The following DGUOK variants were observed in gnomAD, a reference collection of about 807,000 sequenced individuals.
DGUOK encodes deoxyguanosine kinase, mitochondrial.
DGUOK carries 30 observed loss-of-function variants against 36.6 expected under a neutral mutation model. The observed-to-expected ratio is 0.82, with a 90% CI of 0.61 to 1.11. The LOEUF is 1.11. Ranked by LOEUF, DGUOK falls within the 50% of genes most tolerant of loss-of-function variation. The pLI, the probability that DGUOK is intolerant of heterozygous loss-of-function variation, is 0.00. For synonymous variants in DGUOK, 145 were observed against 126.3 expected (o/e 1.15, Z -0.99); for missense variants, 361 against 336.4 (o/e 1.07, Z -0.57).
At chr2:73,952,962 T>C (rs897264524) in intron 4 of DGUOK, among the ~76,000 whole-genome samples, 1 of 152,078 alleles carries the variant, frequency 6.6e-6, no homozygotes, top group East Asian at 1.9e-4. Context: ...TAACTTCCAT[T>C]GAGGACCTCC....
Position 73,946,886 on chromosome 2 carries a change from G to T in DGUOK, c.423G>T (p.Glu141Asp). 1.2e-6 allele frequency: 2 copies of T among 1,612,920 alleles called. No individual in the cohort carries two copies. Among genetic ancestry groups the T allele is most frequent in the South Asian group, 1.1e-5 (1 of 90,884 alleles). Reference protein sequence around the residue: ...LQARKPVQIFERSVYSDRYIF... With the variant: ...LQARKPVQIFDRSVYSDRYIF... ...CCAGGAAGCCAGTACAGATCTTTGAGAGGTCTGTGTACAGTGACAGGTAAA... is the reference window on the plus strand; with the variant it reads ...CCAGGAAGCCAGTACAGATCTTTGATAGGTCTGTGTACAGTGACAGGTAAA... The change falls in exon 3 of 7, where the codon GAG (glutamate) becomes GAT (aspartate). Residue 141 changes from glutamate (E) to aspartate (D), a missense_variant. By Grantham distance (45) the Glu-to-Asp change is conservative (BLOSUM62 2). Transcript: ENST00000264093.
At chr2:73,929,504 G>C (rs1680853187) in intron 1 of DGUOK, among the ~76,000 whole-genome samples, 1 of 152,198 alleles carries the variant, frequency 6.6e-6, no homozygotes, top group South Asian at 2.1e-4. Flanking sequence ...CCGGACTGGA[G>C]CTGTAAATGT....
chr2:73,936,818 A>G (rs1681500481), intron 1 of DGUOK, among the ~76,000 whole-genome samples: 1 of 152,226 alleles, frequency 6.6e-6, no homozygotes, highest in African/African-American at 2.4e-5. Context: ...CTGGAGAAAC[A>G]CAATGACAAT....
chr2:73,948,379 G>T (rs1404208239), intron 3 of DGUOK, among the ~76,000 whole-genome samples: 1 of 152,200 alleles, frequency 6.6e-6, no homozygotes, highest in African/African-American at 2.4e-5. Context: ...AAAGGAAGAG[G>T]TAATAATTGA....
intron 6 of DGUOK, 47 bp from the exon 7 acceptor site, chr2:73,958,663 T>G (rs1381473076): frequency 6.4e-7 from 1 of 1,558,612 alleles, no homozygotes; most frequent in Admixed American, 1.7e-5. Context: ...CATTGAAAAT[T>G]CTGTTAAAAA....
chr2:73,958,219 A>C lies in DGUOK; in HGVS notation c.781A>C (p.Thr261Pro), dbSNP rs1683275439. ...CAATGATGATTTTTCTGAGGAAGTA[A>C]CCAAACAAGAAGACCTCATGAGAGA... ...DVNDDFSEEV[T>P]KQEDLMREVN... Residue 261 changes from threonine to proline, a missense_variant, in exon 6 of 7, where the codon ACC (threonine) becomes CCC (proline). Physicochemically the swap from Thr to Pro is conservative, Grantham distance 38. Coordinates refer to ENST00000264093, the MANE Select transcript of DGUOK (RefSeq NM_080916.3). 6.2e-7 allele frequency: 1 copy of C among 1,613,728 alleles called. No individual in the cohort carries two copies. The highest frequency in any genetic ancestry group is 1.1e-5 in the South Asian group (1 of 91,066).
chr2:73,937,521 C>G, intron 1 of DGUOK, among the ~76,000 whole-genome samples: 1 of 152,258 alleles, frequency 6.6e-6, no homozygotes, highest in South Asian at 2.1e-4. Flanking sequence ...AATGTAGAAG[C>G]AAATGCAGAA....
rs1573549878 is a variant in DGUOK, at chr2:73,947,056, A to G, written c.443+150A>G. The G allele has an allele frequency of 3.8e-6, 3 of 787,990 alleles. 1 individual carries two copies. Among genetic ancestry groups the G allele is most frequent in the Middle Eastern group, 7.0e-4 (2 of 2,874 alleles). The allele number at this position is 787,990 out of a possible 1,614,324, so 48.8% of individuals were successfully genotyped here. On this transcript the variant is annotated intron_variant, in intron 3 of 6. Transcript: ENST00000264093. ...AAGACAACACTATACAGATTTGTCC[A>G]GAGTTGTACTTCTACCAGATTGTCA...
intron 4 of DGUOK, among the ~76,000 whole-genome samples, chr2:73,954,472 C>T (rs992242439): frequency 1.1e-4 from 16 of 152,066 alleles, no homozygotes; most frequent in Admixed American, 9.8e-4. Context: ...GAGCTCAAGA[C>T]GAGCATGGTC....
intron 6 of DGUOK, 29 bp from the exon 7 acceptor site, chr2:73,958,681 T>G (rs1236128253): frequency 6.2e-7 from 1 of 1,600,440 alleles, no homozygotes; most frequent in Admixed American, 1.7e-5. Flanking sequence ...AAATGTGAAA[T>G]TAAACTTCTG....
chr2:73,928,713 G>A (rs115166536), intron 1 of DGUOK, among the ~76,000 whole-genome samples: 248 of 152,328 alleles, frequency 1.6e-3, no homozygotes, highest in African/African-American at 5.8e-3. Context: ...ATCTTACCGA[G>A]ATGGGTAGCC....
Position 73,944,899 on chromosome 2 carries a change from CCTA to C in DGUOK, c.256-1817_256-1815del, listed in dbSNP as rs557988139. On this transcript the variant is annotated intron_variant, in intron 2 of 6. Transcript: ENST00000264093. ...ACTACAGGAGACACAAATTTGTCCTCCTACTTCTACCTCCAGCTCTTAGTCAGG... is the reference window on the plus strand; with the variant it reads ...ACTACAGGAGACACAAATTTGTCCTCCTTCTACCTCCAGCTCTTAGTCAGG... Among the ~76,000 whole-genome samples, 434 of 152,278 alleles carry C rather than the reference CCTA, an allele frequency of 2.9e-3. 1 individual carries two copies. Among genetic ancestry groups the C allele is most frequent in the African/African-American group, 0.01 (419 of 41,530 alleles).
At chr2:73,950,858 G>A in intron 4 of DGUOK, 126 bp downstream of exon 4, 2 of 1,286,430 alleles carry the variant, frequency 1.6e-6, no homozygotes, top group Admixed American at 1.7e-5. Flanking sequence ...ACAGAGAGCA[G>A]TGGGGGACAC....
At chr2:73,929,630 C>T (rs1169429487) in intron 1 of DGUOK, among the ~76,000 whole-genome samples, 2 of 152,036 alleles carry the variant, frequency 1.3e-5, no homozygotes, top group East Asian at 3.9e-4. Context: ...GAAGGAATGC[C>T]TACTGAGGTA....
intron 3 of DGUOK, among the ~76,000 whole-genome samples, chr2:73,949,153 T>C (rs758991720): frequency 2.0e-5 from 3 of 152,178 alleles, no homozygotes; most frequent in Non-Finnish European, 4.4e-5. Flanking sequence ...GGTTTCACCA[T>C]GTTGGCCAGG....
At chr2:73,948,365 T>C (rs1042899957) in intron 3 of DGUOK, among the ~76,000 whole-genome samples, 3 of 152,344 alleles carry the variant, frequency 2.0e-5, no homozygotes, top group South Asian at 4.1e-4. Context: ...TAACCTTTGC[T>C]TGTAAAGGAA....
chr2:73,952,108 A>G (rs1005069607), intron 4 of DGUOK, among the ~76,000 whole-genome samples: 11 of 152,328 alleles, frequency 7.2e-5, no homozygotes, highest in South Asian at 6.2e-4. Context: ...GCTCGAGGCT[A>G]CAGTGAGCTG....
Position 73,946,733 on chromosome 2 carries a change from A to G in DGUOK, c.270A>G (p.Gln90=), listed in dbSNP as rs377009447. Residue 90 remains glutamine, a synonymous_variant, in exon 3 of 7, where the codon CAA becomes CAG. Coordinates refer to ENST00000264093, the MANE Select transcript of DGUOK (RefSeq NM_080916.3). The part of the protein sequence containing the change: ...AAGTQKACTA[Q]SLGNLLDMMY... ...TCTCCCTCTAGGCCTGCACTGCCCA[A>G]AGTCTTGGAAACTTGCTGGATATGA... The G allele has an allele frequency of 2.5e-6, 4 of 1,613,948 alleles. No homozygotes were observed. Among genetic ancestry groups the G allele is most frequent in the African/African-American group, 2.7e-5 (2 of 74,884 alleles).
At chr2:73,931,039 G>A (rs894883393) in intron 1 of DGUOK, among the ~76,000 whole-genome samples, 7 of 152,018 alleles carry the variant, frequency 4.6e-5, no homozygotes, top group African/African-American at 9.6e-5. Context: ...CTCGTGATCC[G>A]CCAGCTTCGG....
Sources: allele counts gnomAD v4.1 joint callset (sites outside exome capture counted in the v4.1 genomes callset), GRCh38; gene constraint gnomAD v4.1.1; transcripts MANE v1.5; gene names NCBI Gene and HGNC (gene_info 2026-07-23, HGNC 2026-07-21).